The following IRAG2 variants were observed in gnomAD, a reference collection of about 807,000 sequenced individuals.
The protein encoded by IRAG2 is lymphoid restricted membrane protein.
A neutral mutation model predicts 69.9 loss-of-function variants in IRAG2; 45 were observed. That is an observed-to-expected ratio of 0.64 (90% CI 0.51 to 0.83). The LOEUF (loss-of-function observed/expected upper bound fraction) is 0.83, where lower values mean the gene tolerates loss of function less well. IRAG2 is among the 40% of genes least tolerant of loss of function. IRAG2 has a pLI of 0.00. For synonymous variants in IRAG2, 193 were observed against 202.4 expected (o/e 0.95, Z 0.40); for missense variants, 520 against 587.0 (o/e 0.89, Z 1.18).
intron 6 of IRAG2, among the ~76,000 whole-genome samples, chr12:25,018,915 G>A (rs571874637): frequency 6.6e-5 from 10 of 152,242 alleles, no homozygotes; most frequent in South Asian, 2.1e-4. Flanking sequence ...TTGGGTTCCC[G>A]CAACCTAGTT....
At position 25,052,744 on chromosome 12, in the gene IRAG2, T is replaced by C. The variant is rs1267360652; in HGVS notation, c.-659T>C. ...TCATAAGAGTGAGCACTCCATTGCT[T>C]TCTTTCCTGGCCACACTGCTACAAT... On this transcript the variant is annotated 5_prime_UTR_variant, in exon 1 of 22. Coordinates refer to ENST00000556887, the MANE Select transcript of IRAG2 (RefSeq NM_001366544.2). 2.5e-6 allele frequency: 1 copy of C among 398,510 alleles called. No individual in the cohort carries two copies. Among genetic ancestry groups the C allele is most frequent in the African/African-American group, 2.1e-5 (1 of 48,636 alleles). 24.7% of individuals were successfully genotyped at this position (398,510 alleles called of 1,614,324 possible). A position where few individuals can be genotyped will look rare whatever the true frequency, so the allele number is the denominator to read the frequency against.
upstream of IRAG2, among the ~76,000 whole-genome samples, chr12:25,052,004 G>A (rs1416569532): frequency 6.6e-6 from 1 of 152,176 alleles, no homozygotes; most frequent in African/African-American, 2.4e-5. Flanking sequence ...GATGAAACTA[G>A]AAGTCCTTAT....
At chr12:25,101,748 A>C (rs1412754496) in intron 16 of IRAG2, among the ~76,000 whole-genome samples, 1 of 152,236 alleles carries the variant, frequency 6.6e-6, no homozygotes, top group East Asian at 1.9e-4. Flanking sequence ...GATGAACTGG[A>C]AAATAGAGAA....
Position 25,017,428 on chromosome 12 carries a change from T to TATTC in IRAG2, c.1214+137_1214+140dup, listed in dbSNP as rs2139829986. ...TATACAATTCAGTGTTTTTAGAGTA[T>TATTC]ATTCTCTGGCTGGGCATGGTGACTC... On this transcript the variant is annotated intron_variant, in intron 6 of 38. Coordinates refer to the IRAG2 transcript ENST00000636465. 3.4e-6 allele frequency: 3 copies of TATTC among 887,700 alleles called. No homozygotes were observed. In the Admixed American group the frequency reaches 1.3e-4, roughly 38 times the overall value. 55.0% of individuals were successfully genotyped at this position (887,700 alleles called of 1,614,324 possible). A position where few individuals can be genotyped will look rare whatever the true frequency, so the allele number is the denominator to read the frequency against.
chr12:25,071,041 G>A (rs970443928), intron 6 of IRAG2, among the ~76,000 whole-genome samples: 3 of 152,092 alleles, frequency 2.0e-5, no homozygotes, highest in Non-Finnish European at 4.4e-5. Flanking sequence ...GTGGGTATAT[G>A]GCATTGTTTT....
intron 12 of IRAG2, among the ~76,000 whole-genome samples, chr12:25,033,501 A>T (rs1591932475): frequency 6.6e-6 from 1 of 152,230 alleles, no homozygotes; most frequent in African/African-American, 2.4e-5. Context: ...TTTAGCTCCA[A>T]CTAATTGTGA....
At chr12:25,023,986 C>A in intron 8 of IRAG2, 1 of 910,670 alleles carries the variant, frequency 1.1e-6, no homozygotes, top group Non-Finnish European at 1.4e-6. Context: ...TGGTTTATGG[C>A]TGTGGGTTAA....
intron 13 of IRAG2, 126 bp downstream of exon 13, chr12:25,089,916 G>A: frequency 7.8e-7 from 1 of 1,279,990 alleles, no homozygotes; most frequent in Admixed American, 1.7e-5. Flanking sequence ...GTGACTCAGT[G>A]CAGGTGAACC....
At chr12:25,005,666 AAT>A (rs905792937) in intron 2 of IRAG2, among the ~76,000 whole-genome samples, 4 of 152,192 alleles carry the variant, frequency 2.6e-5, no homozygotes, top group Admixed American at 6.5e-5. Context: ...CCCCACAGGA[AAT>A]ATGCTTTTCA....
rs1270335091 is a variant in IRAG2, at chr12:25,063,835, C to A, written c.-207+19C>A. The A allele has an allele frequency of 2.5e-6, 1 of 398,960 alleles. No individual in the cohort carries two copies. Among genetic ancestry groups the A allele is most frequent in the East Asian group, 3.6e-5 (1 of 28,080 alleles). The allele number at this position is 398,960 out of a possible 1,614,324, so 24.7% of individuals were successfully genotyped here. On this transcript the variant is annotated intron_variant, in intron 4 of 21. Transcript: ENST00000556887. The stretch of plus-strand genomic sequence containing the variant: ...CTGCTGGGTAAGCCCCCCTTCTATA[C>A]CTGCTCAGACACAAGTAGGGGTAGA...
intron 1 of IRAG2, among the ~76,000 whole-genome samples, chr12:25,060,856 TG>T (rs1351653360): frequency 1.3e-5 from 2 of 150,898 alleles, no homozygotes; most frequent in African/African-American, 4.9e-5. Flanking sequence ...TTAGTAGAGA[TG>T]GGGTTTTGTC....
intron 15 of IRAG2, chr12:25,097,343 T>C (rs1211537025): frequency 1.6e-5 from 3 of 191,480 alleles, no homozygotes; most frequent in Non-Finnish European, 3.2e-5. Flanking sequence ...ATCTGCTTTT[T>C]ATTCATCATA....
intron 5 of IRAG2, among the ~76,000 whole-genome samples, chr12:25,066,839 G>T (rs1946012960): frequency 6.6e-6 from 1 of 151,790 alleles, no homozygotes; most frequent in South Asian, 2.1e-4. Flanking sequence ...TAGTAGAGAT[G>T]GGGTTTTGCC....
At chr12:25,087,680 G>A (rs1323631072) in intron 10 of IRAG2, among the ~76,000 whole-genome samples, 2 of 151,994 alleles carry the variant, frequency 1.3e-5, no homozygotes, top group Non-Finnish European at 2.9e-5. Context: ...TCGCTGCTGA[G>A]CCAGGGATCA....
At chr12:25,099,896 A>T (rs1948645617) in intron 15 of IRAG2, among the ~76,000 whole-genome samples, 2 of 148,872 alleles carry the variant, frequency 1.3e-5, no homozygotes, top group Non-Finnish European at 3.0e-5. Flanking sequence ...GCTACTCGGG[A>T]GACTGAGGCA....
At chr12:25,086,253 A>G (rs1344934581) in intron 10 of IRAG2, among the ~76,000 whole-genome samples, 1 of 147,834 alleles carries the variant, frequency 6.8e-6, no homozygotes, top group Non-Finnish European at 1.5e-5. Flanking sequence ...TTAGGGGTAG[A>G]ATTCACAGAG....
rs1318478174 is a variant in IRAG2 at position 25,069,438 on chromosome 12, G to T, written c.24+7G>T. 1.2e-6 allele frequency: 2 copies of T among 1,613,546 alleles called. No homozygotes were observed. The highest frequency in any genetic ancestry group is 4.5e-5 in the East Asian group (2 of 44,892). On this transcript the variant is annotated splice_region_variant and intron_variant, in intron 6 of 21. Coordinates refer to ENST00000556887, the MANE Select transcript of IRAG2 (RefSeq NM_001366544.2). ...TGATGACCCAAGTATGGAAGTGAGT[G>T]TTGGACTGGATTTTGGTTTCATTTT...
chr12:25,028,074 G>A (rs144528293), intron 9 of IRAG2, among the ~76,000 whole-genome samples: 2,955 of 152,164 alleles, frequency 0.019, 31 homozygotes, highest in Non-Finnish European at 0.03. Flanking sequence ...ACAGGCGTGC[G>A]CCACCATGCT....
At chr12:25,091,002 T>C (rs1592069459) in intron 14 of IRAG2, 1 of 263,704 alleles carries the variant, frequency 3.8e-6, no homozygotes, top group East Asian at 1.1e-4. Flanking sequence ...CAGAGGAGTG[T>C]AACAACTACT....
Sources: allele counts gnomAD v4.1 joint callset (sites outside exome capture counted in the v4.1 genomes callset), GRCh38; gene constraint gnomAD v4.1.1; transcripts MANE v1.5; gene names NCBI Gene and HGNC (gene_info 2026-07-23, HGNC 2026-07-21).